Variants in MRAP2 observed in about 807,000 individuals in gnomAD.
MRAP2 encodes the protein melanocortin-2 receptor accessory protein 2.
Under a neutral mutation model 17.4 loss-of-function variants are expected in MRAP2, and 20 were observed. The observed-to-expected ratio is 1.15, with a 90% CI of 0.81 to 1.67. The LOEUF (loss-of-function observed/expected upper bound fraction) is 1.67, where lower values mean the gene tolerates loss of function less well. MRAP2 is among the 40% of genes most tolerant of loss of function. The pLI, the probability that MRAP2 is intolerant of heterozygous loss-of-function variation, is 0.00. For missense variants in MRAP2, 238 were observed against 240.0 expected (o/e 0.99, Z 0.05); for synonymous variants, 96 against 88.4 (o/e 1.09, Z -0.48).
chr6:84,141,687 G>A, the MRAP2 span, among the ~76,000 whole-genome samples: 2 of 152,138 alleles, frequency 1.3e-5, no homozygotes, highest in South Asian at 4.1e-4. Context: ...GGGTGTATAG[G>A]TTACTTGTGT....
the MRAP2 span, among the ~76,000 whole-genome samples, chr6:84,145,023 A>G: frequency 3.3e-5 from 5 of 152,264 alleles, no homozygotes; most frequent in South Asian, 1.0e-3. Context: ...TTTGATTGGA[A>G]TGTCATATTT....
the MRAP2 span, among the ~76,000 whole-genome samples, chr6:84,122,352 CAAAAAAAAAA>C: frequency 2.8e-5 from 1 of 36,150 alleles, no homozygotes; most frequent in Non-Finnish European, 5.0e-5. Flanking sequence ...ACAGCACATC[CAAAAAAAAAA>C]AAAAAAAAAA....
At chr6:84,088,246 G>A (rs2099500978) in intron 3 of MRAP2, among the ~76,000 whole-genome samples, 1 of 152,184 alleles carries the variant, frequency 6.6e-6, no homozygotes, top group Non-Finnish European at 1.5e-5. Context: ...CCTTCTTTAA[G>A]TCTGGAAAGG....
Position 84,055,387 on chromosome 6 carries a change from G to A in MRAP2, c.69G>A (p.Trp23Ter). 6.2e-6 allele frequency: 10 copies of A among 1,613,538 alleles called. No homozygotes were observed. Among genetic ancestry groups the A allele is most frequent in the Non-Finnish European group, 8.5e-6 (10 of 1,179,824 alleles). ...QQSASNSDYTWEYEYYEIGPV... is the reference protein window; with the variant it reads ...QQSASNSDYT ...CGGCATCTAATTCTGATTACACCTGGGAATATGAATATTATGAGATTGGAC... is the reference window on the plus strand; with the variant it reads ...CGGCATCTAATTCTGATTACACCTGAGAATATGAATATTATGAGATTGGAC... The change falls in exon 2 of 4, where the codon TGG becomes TGA. Residue 23 changes from tryptophan (W) to a stop codon, truncating the protein, a stop_gained. Transcript: ENST00000257776. LOFTEE classifies it high-confidence loss of function.
chr6:84,138,115 A>G, the MRAP2 span, among the ~76,000 whole-genome samples: 1 of 152,218 alleles, frequency 6.6e-6, no homozygotes, highest in African/African-American at 2.4e-5. Flanking sequence ...ATAAGCAATC[A>G]AAAGTTCACT....
At chr6:84,073,539 T>C (rs1284227617) in intron 3 of MRAP2, among the ~76,000 whole-genome samples, 1 of 152,176 alleles carries the variant, frequency 6.6e-6, no homozygotes, top group African/African-American at 2.4e-5. Context: ...TAAAATTCAG[T>C]GTGAGCCTCT....
the MRAP2 span, among the ~76,000 whole-genome samples, chr6:84,115,875 C>T: frequency 6.6e-6 from 1 of 152,108 alleles, no homozygotes; most frequent in Non-Finnish European, 1.5e-5. Flanking sequence ...GGTGAGGCCC[C>T]ACCCTGCTTC....
At chr6:84,046,099 C>G (rs896052318) in intron 1 of MRAP2, among the ~76,000 whole-genome samples, 1 of 152,208 alleles carries the variant, frequency 6.6e-6, no homozygotes, top group African/African-American at 2.4e-5. Context: ...TGATGTCAGA[C>G]TGCTAGCCCT....
At chr6:84,037,497 G>A (rs930455094) in intron 1 of MRAP2, among the ~76,000 whole-genome samples, 10 of 152,214 alleles carry the variant, frequency 6.6e-5, no homozygotes, top group South Asian at 2.1e-4. Context: ...GCCCTTGGGC[G>A]GTTGATGGGA....
chr6:84,090,130 C>T lies in MRAP2; in HGVS notation c.*649C>T, dbSNP rs1026630429. 6.6e-6 allele frequency: 1 copy of T among 152,408 alleles called. No individual in the cohort carries two copies. Among genetic ancestry groups the T allele is most frequent in the Non-Finnish European group, 1.5e-5 (1 of 68,214 alleles). 9.4% of individuals were successfully genotyped at this position (152,408 alleles called of 1,614,324 possible). A position where few individuals can be genotyped will look rare whatever the true frequency, so the allele number is the denominator to read the frequency against. On this transcript the variant is annotated 3_prime_UTR_variant, in exon 4 of 4. Transcript: ENST00000257776. ...TTGACAGGTCTAGAGTGATCCATCC[C>T]ACCTCTAATATTTTGTGAATTTATG...
the MRAP2 span, among the ~76,000 whole-genome samples, chr6:84,132,796 C>A: frequency 6.6e-6 from 1 of 152,088 alleles, no homozygotes; most frequent in Non-Finnish European, 1.5e-5. Flanking sequence ...AAACATCCTC[C>A]TTTACCTCGG....
the MRAP2 span, among the ~76,000 whole-genome samples, chr6:84,111,993 G>T: frequency 6.6e-6 from 1 of 152,174 alleles, no homozygotes; most frequent in Non-Finnish European, 1.5e-5. Context: ...ATGTGCTGCT[G>T]GATTTGGTTT....
At chr6:84,034,038 G>C (rs1221444177) in intron 1 of MRAP2, among the ~76,000 whole-genome samples, 155 bp downstream of exon 1, 1 of 152,096 alleles carries the variant, frequency 6.6e-6, no homozygotes, top group Admixed American at 6.5e-5. Context: ...AGGAGAATTG[G>C]GGTGTGAGGA....
chr6:84,062,477 C>T, intron 2 of MRAP2: 1 of 922,838 alleles, frequency 1.1e-6, no homozygotes, highest in Non-Finnish European at 1.3e-6. Context: ...CAGTTAATAT[C>T]TGTTAAATTT....
chr6:84,088,238 T>C (rs972800497), intron 3 of MRAP2, among the ~76,000 whole-genome samples: 5 of 152,216 alleles, frequency 3.3e-5, no homozygotes, highest in Non-Finnish European at 7.3e-5. Flanking sequence ...TGGGCAATCC[T>C]TCTTTAAGTC....
chr6:84,069,531 C>T (rs987688554), intron 3 of MRAP2, among the ~76,000 whole-genome samples: 2 of 152,100 alleles, frequency 1.3e-5, no homozygotes, highest in Non-Finnish European at 2.9e-5. Context: ...CTATGTTCAT[C>T]AACGATATCG....
chr6:84,129,510 T>A, the MRAP2 span, among the ~76,000 whole-genome samples: 3 of 152,334 alleles, frequency 2.0e-5, no homozygotes, highest in East Asian at 5.8e-4. Context: ...GTCCATATCC[T>A]TTGCCCACTT....
At chr6:84,067,009 G>A (rs2497120) in intron 3 of MRAP2, among the ~76,000 whole-genome samples, 47,693 of 151,982 alleles carry the variant, frequency 0.31, 9,536 homozygotes, top group African/African-American at 0.58. Flanking sequence ...GCTACACCAT[G>A]TTTGTAGTCC....
chr6:84,061,617 T>C (rs1432467049), intron 2 of MRAP2: 1 of 186,324 alleles, frequency 5.4e-6, no homozygotes, highest in East Asian at 1.9e-4. Context: ...TACACTTTCA[T>C]TAGCTCCACG....
Sources: allele counts gnomAD v4.1 joint callset (sites outside exome capture counted in the v4.1 genomes callset), GRCh38; gene constraint gnomAD v4.1.1; transcripts MANE v1.5; gene names NCBI Gene and HGNC (gene_info 2026-07-23, HGNC 2026-07-21).